Variants in RANBP2 observed in about 807,000 individuals in gnomAD.
The protein encoded by RANBP2 is E3 SUMO-protein ligase RanBP2.
A neutral mutation model predicts 303.6 loss-of-function variants in RANBP2; 57 were observed. The observed-to-expected ratio is 0.19, with a 90% CI of 0.15 to 0.23. The LOEUF (loss-of-function observed/expected upper bound fraction) is 0.23. Among genes scored for constraint, RANBP2 ranks in the 10% least tolerant of loss-of-function variants. RANBP2 has a pLI of 1.00. For synonymous variants in RANBP2, 1,167 were observed against 1,301.5 expected (o/e 0.90, Z 2.23); for missense variants, 3,138 against 3,780.8 (o/e 0.83, Z 4.46).
chr2:109,080,408 A>T, the RANBP2 span, among the ~76,000 whole-genome samples: 4 of 151,928 alleles, frequency 2.6e-5, no homozygotes, highest in South Asian at 6.2e-4. Flanking sequence ...GCTTTGGGAG[A>T]GTGTCGGAGG....
the RANBP2 span, among the ~76,000 whole-genome samples, chr2:109,364,804 A>T: frequency 1.3e-5 from 2 of 152,150 alleles, no homozygotes; most frequent in Non-Finnish European, 2.9e-5. Context: ...TAAAACCCCA[A>T]TGGGGGCCAG....
chr2:108,790,646 A>G (rs1459630321), downstream of RANBP2, among the ~76,000 whole-genome samples: 3 of 152,212 alleles, frequency 2.0e-5, no homozygotes, highest in Non-Finnish European at 4.4e-5. Flanking sequence ...GGTTGCAGTG[A>G]GCCGAGATCG....
At chr2:108,960,536 C>G in the RANBP2 span, among the ~76,000 whole-genome samples, 1 of 152,194 alleles carries the variant, frequency 6.6e-6, no homozygotes, top group Non-Finnish European at 1.5e-5. Context: ...TCTGCTGCCC[C>G]GTCAGCCAGC....
At chr2:109,361,153 C>G in the RANBP2 span, among the ~76,000 whole-genome samples, 2 of 152,164 alleles carry the variant, frequency 1.3e-5, no homozygotes, top group Non-Finnish European at 2.9e-5. Flanking sequence ...GTTGAGCCAG[C>G]CTTGCATACC....
At chr2:109,614,336 T>A in the RANBP2 span, 1 of 670,200 alleles carries the variant, frequency 1.5e-6, no homozygotes, top group Non-Finnish European at 2.0e-6. Flanking sequence ...CGCGGCCCAG[T>A]GAGGCGGTGG....
At chr2:109,665,343 GT>G in the RANBP2 span, 56,563 of 121,708 alleles carry the variant, frequency 0.46, 12,008 homozygotes, top group African/African-American at 0.61. Flanking sequence ...TCGCAAGCAG[GT>G]TTTTTTTTTT....
At chr2:109,655,898 A>G in the RANBP2 span, among the ~76,000 whole-genome samples, 1 of 152,158 alleles carries the variant, frequency 6.6e-6, no homozygotes, top group African/African-American at 2.4e-5. Flanking sequence ...CTTATTATCA[A>G]TCTGGCCCTG....
At chr2:109,362,347 T>G in the RANBP2 span, among the ~76,000 whole-genome samples, 1 of 152,260 alleles carries the variant, frequency 6.6e-6, no homozygotes. Flanking sequence ...AGTATGTTGT[T>G]AAATCTCCAA....
chr2:108,861,472 CT>C, the RANBP2 span, among the ~76,000 whole-genome samples: 216 of 123,314 alleles, frequency 1.8e-3, no homozygotes, highest in African/African-American at 7.3e-3. Context: ...AACTTTCTTC[CT>C]TTTTTTTTTT....
the RANBP2 span, among the ~76,000 whole-genome samples, chr2:109,099,514 G>T: frequency 6.6e-6 from 1 of 152,186 alleles, no homozygotes; most frequent in Non-Finnish European, 1.5e-5. Context: ...GTGGCGTACA[G>T]CAAGGCGTGC....
At chr2:109,529,223 C>T in the RANBP2 span, among the ~76,000 whole-genome samples, 31 of 152,256 alleles carry the variant, frequency 2.0e-4, no homozygotes, top group African/African-American at 7.5e-4. Flanking sequence ...CATGGGGTGC[C>T]CAGTCTGGTC....
At chr2:109,613,669 G>A in the RANBP2 span, 1 of 600,840 alleles carries the variant, frequency 1.7e-6, no homozygotes, top group East Asian at 4.2e-5. Context: ...GGGAGCACTG[G>A]GCGGGCGGGG....
At chr2:108,812,251 CAT>C in the RANBP2 span, among the ~76,000 whole-genome samples, 1 of 152,228 alleles carries the variant, frequency 6.6e-6, no homozygotes. Flanking sequence ...CACATATACA[CAT>C]AGTCCCAGTA....
the RANBP2 span, among the ~76,000 whole-genome samples, chr2:109,115,202 G>A: frequency 2.6e-5 from 4 of 152,224 alleles, no homozygotes; most frequent in East Asian, 3.9e-4. Flanking sequence ...TTTCTGTCTC[G>A]TTGATCTGTC....
At chr2:108,970,670 G>A in the RANBP2 span, among the ~76,000 whole-genome samples, 7 of 152,156 alleles carry the variant, frequency 4.6e-5, no homozygotes, top group African/African-American at 1.7e-4. Context: ...TGGGAAGAGG[G>A]CCCTTTGGAG....
the RANBP2 span, among the ~76,000 whole-genome samples, chr2:109,381,906 T>G: frequency 0.022 from 3,310 of 152,168 alleles, 86 homozygotes; most frequent in African/African-American, 0.059. Flanking sequence ...TGGGCAAACA[T>G]GTACGTAACA....
the RANBP2 span, among the ~76,000 whole-genome samples, chr2:109,060,303 G>T: frequency 5.9e-5 from 9 of 152,168 alleles, no homozygotes; most frequent in Non-Finnish European, 1.3e-4. Flanking sequence ...CCGAATACAG[G>T]TGTCTCCTGG....
chr2:109,614,921 C>T, the RANBP2 span: 1 of 1,476,906 alleles, frequency 6.8e-7, no homozygotes, highest in Non-Finnish European at 8.9e-7. Flanking sequence ...CCCCCGCGCA[C>T]TGGCCGCCCC....
the RANBP2 span, among the ~76,000 whole-genome samples, chr2:109,731,847 CT>C: frequency 7.2e-4 from 102 of 142,076 alleles, no homozygotes; most frequent in Middle Eastern, 3.8e-3. Flanking sequence ...TTCTCTTTTT[CT>C]TTTTTTTTTT....
Sources: allele counts gnomAD v4.1 joint callset (sites outside exome capture counted in the v4.1 genomes callset), GRCh38; gene constraint gnomAD v4.1.1; transcripts MANE v1.5; gene names NCBI Gene and HGNC (gene_info 2026-07-23, HGNC 2026-07-21).